The following GPHN variants were observed in gnomAD, a reference collection of about 807,000 sequenced individuals.
GPHN encodes the protein gephyrin.
A neutral mutation model predicts 95.5 loss-of-function variants in GPHN; 17 were observed. That is an observed-to-expected ratio of 0.18 (90% CI 0.12 to 0.27). The LOEUF is 0.27. GPHN is among the 10% of genes least tolerant of loss of function. GPHN has a pLI of 1.00. For missense variants in GPHN, 660 were observed against 978.1 expected (o/e 0.67, Z 4.34); for synonymous variants, 320 against 322.5 (o/e 0.99, Z 0.08).
chr14:66,948,598 T>C (rs1424885148), intron 8 of GPHN, among the ~76,000 whole-genome samples: 2 of 152,248 alleles, frequency 1.3e-5, no homozygotes, highest in Non-Finnish European at 2.9e-5. Flanking sequence ...TAAGCATGCT[T>C]TCATTCAAGT....
At chr14:67,247,028 A>G in the GPHN span, among the ~76,000 whole-genome samples, 1 of 152,164 alleles carries the variant, frequency 6.6e-6, no homozygotes, top group Non-Finnish European at 1.5e-5. Flanking sequence ...TGTTATGACT[A>G]TTTTTAGTTC....
chr14:67,637,852 G>A, the GPHN span, among the ~76,000 whole-genome samples: 2 of 152,214 alleles, frequency 1.3e-5, no homozygotes, highest in Non-Finnish European at 1.5e-5. Flanking sequence ...AAATCCATTC[G>A]CATTCTGTTC....
the GPHN span, among the ~76,000 whole-genome samples, chr14:67,374,182 G>A: frequency 1.3e-5 from 2 of 152,116 alleles, no homozygotes; most frequent in African/African-American, 4.8e-5. Context: ...CAAAGGAAAT[G>A]TTCATTGGAG....
chr14:67,406,087 C>G, the GPHN span, among the ~76,000 whole-genome samples: 2 of 151,978 alleles, frequency 1.3e-5, no homozygotes, highest in Admixed American at 6.6e-5. Context: ...GGTTAAACCC[C>G]GTCTCTACTA....
chr14:66,853,408 C>T (rs1319615985), intron 4 of GPHN, among the ~76,000 whole-genome samples: 6 of 152,108 alleles, frequency 3.9e-5, no homozygotes, highest in African/African-American at 1.4e-4. Context: ...AGTCTGTTGT[C>T]ATGCTGCTAA....
chr14:67,691,098 T>C, the GPHN span: 1,313 of 1,334,732 alleles, frequency 9.8e-4, 21 homozygotes, highest in South Asian at 0.014. Context: ...CCAAAGAGAA[T>C]TTTGGGTCTC....
chr14:67,472,739 G>C, the GPHN span: 1 of 152,742 alleles, frequency 6.5e-6, no homozygotes, highest in African/African-American at 2.4e-5. Context: ...ACAGAAAAGG[G>C]GGAAACGCCA....
downstream of GPHN, among the ~76,000 whole-genome samples, chr14:67,182,841 CT>C (rs1247844705): frequency 0.067 from 8,074 of 119,864 alleles, 136 homozygotes; most frequent in Non-Finnish European, 0.086. Context: ...GTTAGTGGGT[CT>C]TTTTTTTTTT....
chr14:66,545,911 G>T (rs1428722922), intron 1 of GPHN, among the ~76,000 whole-genome samples: 1 of 151,262 alleles, frequency 6.6e-6, no homozygotes, highest in South Asian at 2.1e-4. Flanking sequence ...CTAGCGGTGG[G>T]TGACCTCCAC....
chr14:66,743,720 C>T (rs1032752537), intron 2 of GPHN, among the ~76,000 whole-genome samples: 13 of 152,086 alleles, frequency 8.5e-5, no homozygotes, highest in African/African-American at 2.2e-4. Flanking sequence ...CCAGCCTGGA[C>T]GACAGAGCGA....
chr14:66,732,748 C>A (rs2071895180), intron 2 of GPHN, among the ~76,000 whole-genome samples: 1 of 152,150 alleles, frequency 6.6e-6, no homozygotes, highest in African/African-American at 2.4e-5. Context: ...AACTCCTGAC[C>A]TCGTGATCCA....
At chr14:66,562,209 G>T (rs1382988608) in intron 1 of GPHN, among the ~76,000 whole-genome samples, 11 of 152,014 alleles carry the variant, frequency 7.2e-5, no homozygotes, top group Admixed American at 7.2e-4. Flanking sequence ...CTGTAAATTA[G>T]ACTGATAAGA....
At chr14:67,576,409 C>T in the GPHN span, 2 of 1,604,050 alleles carry the variant, frequency 1.2e-6, no homozygotes, top group Non-Finnish European at 1.7e-6. The surrounding 1 kb of genome is among the most constrained non-coding windows in gnomAD (Gnocchi z 4.0). Flanking sequence ...CGTGGCTCTA[C>T]CACCTCACAG....
At position 66,662,957 on chromosome 14, in the gene GPHN, C is replaced by T. The variant is rs116979739; in HGVS notation, c.65-18150C>T. Among the ~76,000 whole-genome samples, 427 of 152,220 alleles carry T rather than the reference C, an allele frequency of 2.8e-3. 1 individual carries two copies. Among genetic ancestry groups the T allele is most frequent in the Non-Finnish European group, 4.6e-3 (310 of 68,016 alleles). ...GAATGAAAAAGAATGGACAAAACCT[C>T]TGAGAAATATGAGATTATGTAAAGA... On this transcript the variant is annotated intron_variant, in intron 1 of 22. Coordinates refer to ENST00000478722, the MANE Select transcript of GPHN (RefSeq NM_020806.5).
chr14:66,537,906 C>T (rs1384738054), intron 1 of GPHN, among the ~76,000 whole-genome samples: 7 of 152,164 alleles, frequency 4.6e-5, no homozygotes, highest in Non-Finnish European at 7.4e-5. Context: ...TAGCTCACTG[C>T]AGCCTCTAAC....
chr14:67,394,185 G>C, the GPHN span, among the ~76,000 whole-genome samples: 1 of 152,120 alleles, frequency 6.6e-6, no homozygotes, highest in Non-Finnish European at 1.5e-5. Context: ...TTCTATGCCA[G>C]ACACACACTG....
At chr14:67,286,631 G>A in the GPHN span, among the ~76,000 whole-genome samples, 2 of 151,776 alleles carry the variant, frequency 1.3e-5, no homozygotes, top group Non-Finnish European at 2.9e-5. Context: ...CGAGGTGGGT[G>A]GATCGCTTGA....
intron 1 of GPHN, among the ~76,000 whole-genome samples, chr14:66,679,670 C>G (rs562747608): frequency 6.6e-6 from 1 of 152,060 alleles, no homozygotes; most frequent in Non-Finnish European, 1.5e-5. Flanking sequence ...TCCTGCTGAC[C>G]TATATTCAAA....
the GPHN span, chr14:67,562,128 G>T: frequency 3.1e-6 from 5 of 1,610,844 alleles, no homozygotes; most frequent in Non-Finnish European, 3.4e-6. Flanking sequence ...GTTTTTACCC[G>T]AATCACAGCT....
Sources: allele counts gnomAD v4.1 joint callset (sites outside exome capture counted in the v4.1 genomes callset), GRCh38; gene constraint gnomAD v4.1.1; non-coding constraint Gnocchi (gnomAD v3.1); transcripts MANE v1.5; gene names NCBI Gene and HGNC (gene_info 2026-07-23, HGNC 2026-07-21).